NOS1AP: variants seen among roughly 807,000 people sequenced by gnomAD.
NOS1AP encodes the protein carboxyl-terminal PDZ ligand of neuronal nitric oxide synthase protein.
NOS1AP carries 21 observed loss-of-function variants against 56.2 expected under a neutral mutation model. The ratio of observed to expected loss-of-function variants is 0.37; its 90% CI spans 0.26 to 0.54. The LOEUF (loss-of-function observed/expected upper bound fraction) is 0.54. Among genes scored for constraint, NOS1AP ranks in the 20% least tolerant of loss-of-function variants. The pLI, the probability that NOS1AP is intolerant of heterozygous loss-of-function variation, is 0.84. For missense variants in NOS1AP, 522 were observed against 657.8 expected, an observed-to-expected ratio of 0.79 and a Z score of 2.26; for synonymous variants, 270 against 274.6, an observed-to-expected ratio of 0.98 and a Z score of 0.17.
chr1:162,235,449 C>T (rs2101674298), intron 2 of NOS1AP, among the ~76,000 whole-genome samples: 1 of 152,316 alleles, frequency 6.6e-6, no homozygotes, highest in South Asian at 2.1e-4. Flanking sequence ...CTGATCTCTG[C>T]ACCTTGCAGG....
At chr1:162,078,309 T>C (rs1691815294) in intron 1 of NOS1AP, among the ~76,000 whole-genome samples, 1 of 152,218 alleles carries the variant, frequency 6.6e-6, no homozygotes, top group East Asian at 1.9e-4. Context: ...CTCTTCTGAC[T>C]TCATTGTCTT....
intron 2 of NOS1AP, among the ~76,000 whole-genome samples, chr1:162,279,606 C>T (rs777648111): frequency 3.3e-5 from 5 of 152,328 alleles, no homozygotes; most frequent in Middle Eastern, 6.8e-3. Context: ...GTATTTCATA[C>T]CCTTCCCACG....
At chr1:162,092,655 A>G (rs1437662600) in intron 1 of NOS1AP, among the ~76,000 whole-genome samples, 3 of 152,206 alleles carry the variant, frequency 2.0e-5, no homozygotes, top group African/African-American at 7.2e-5. Context: ...TGCTCAATGT[A>G]TATGCAGTGA....
chr1:162,367,683 A>C lies in NOS1AP; in HGVS notation c.*216A>C. ...CCAGAGGTGAATCAGCTCCTCTCCTACTTGTGACTAGAGGGTGGTGGAGGT... is the reference window on the plus strand; with the variant it reads ...CCAGAGGTGAATCAGCTCCTCTCCTCCTTGTGACTAGAGGGTGGTGGAGGT... On this transcript the variant is annotated 3_prime_UTR_variant, in exon 10 of 10. Coordinates refer to ENST00000361897, the MANE Select transcript of NOS1AP (RefSeq NM_014697.3). The surrounding 1 kb of genome is among the most constrained non-coding windows in gnomAD (Gnocchi z 6.5). 1 of 593,572 alleles carries C rather than the reference A, an allele frequency of 1.7e-6. No individual in the cohort carries two copies. The highest frequency in any genetic ancestry group is 2.9e-6 in the Non-Finnish European group (1 of 339,484). 36.8% of individuals were successfully genotyped at this position (593,572 alleles called of 1,614,324 possible).
chr1:162,243,431 G>GA (rs1269508623), intron 2 of NOS1AP, among the ~76,000 whole-genome samples: 2 of 151,634 alleles, frequency 1.3e-5, no homozygotes, highest in Non-Finnish European at 2.9e-5. Context: ...ATGCATGGAA[G>GA]AAAAAAAACA....
intron 8 of NOS1AP, among the ~76,000 whole-genome samples, chr1:162,360,008 T>TC (rs772456094): frequency 4.1e-3 from 574 of 140,960 alleles, no homozygotes; most frequent in East Asian, 0.012. Flanking sequence ...ATTTATGTCG[T>TC]CCCCCCCCCA....
intron 2 of NOS1AP, among the ~76,000 whole-genome samples, chr1:162,236,885 G>T (rs985982476): frequency 6.6e-6 from 1 of 152,180 alleles, no homozygotes; most frequent in Admixed American, 6.5e-5. Flanking sequence ...GGCATCAGAG[G>T]AGCCTCTCCT....
intron 6 of NOS1AP, among the ~76,000 whole-genome samples, chr1:162,348,365 G>T (rs1657371648): frequency 6.6e-6 from 1 of 152,192 alleles, no homozygotes; most frequent in Admixed American, 6.5e-5. Flanking sequence ...TGATGAGAAG[G>T]TGGTGACAGT....
intron 2 of NOS1AP, among the ~76,000 whole-genome samples, chr1:162,281,698 G>T (rs1654932796): frequency 6.6e-6 from 1 of 152,220 alleles, no homozygotes; most frequent in South Asian, 2.1e-4. Flanking sequence ...ACTTGCATGT[G>T]GGGGAGTTCC....
chr1:162,129,633 T>C (rs1648658909), intron 1 of NOS1AP, among the ~76,000 whole-genome samples: 1 of 152,218 alleles, frequency 6.6e-6, no homozygotes, highest in Non-Finnish European at 1.5e-5. Flanking sequence ...GTGAGCTCCT[T>C]GAGTTATTGA....
rs145818969 is a variant in NOS1AP at position 162,261,237 on chromosome 1, G to A, written c.178-26107G>A. Among the ~76,000 whole-genome samples, 41 of 138,612 alleles carry A rather than the reference G, an allele frequency of 3.0e-4. 6 individuals are homozygous for A. In the East Asian group the frequency reaches 9.2e-3, roughly 31 times the overall value. 90.9% of individuals were successfully genotyped at this position (138,612 alleles called of 152,430 possible). ...AGGGAACTCAAGCTTTCCCCTCTAA[G>A]CATCAGTCCTATCTTTCAAAATCAA... is the stretch of plus-strand genomic sequence containing the variant. On this transcript the variant is annotated intron_variant, in intron 2 of 9. Transcript: ENST00000361897.
At chr1:162,355,049 G>A in intron 6 of NOS1AP, 138 bp from the exon 7 acceptor site, 2 of 900,250 alleles carry the variant, frequency 2.2e-6, no homozygotes, top group Non-Finnish European at 3.6e-6. Flanking sequence ...ACGTACTTGA[G>A]TGAAAAGATG....
rs1490977358 is a variant in NOS1AP at position 162,207,071 on chromosome 1, G to C, written c.177+52595G>C. 2.0e-5 allele frequency among the ~76,000 whole-genome samples: 3 copies of C among 152,222 alleles called. No homozygotes were observed. The East Asian group carries it at 5.8e-4, about 29-fold the overall frequency. Reference sequence around the variant, plus strand: ...CTCTGAGAAAAGCAGTCGCCAGTGGGATTTTTATCACATAATTAGAGGGTT... The same window carrying C: ...CTCTGAGAAAAGCAGTCGCCAGTGGCATTTTTATCACATAATTAGAGGGTT... On this transcript the variant is annotated intron_variant, in intron 2 of 9. Transcript: ENST00000361897.
intron 2 of NOS1AP, among the ~76,000 whole-genome samples, chr1:162,215,795 A>G (rs1243935090): frequency 6.6e-6 from 1 of 152,248 alleles, no homozygotes; most frequent in Non-Finnish European, 1.5e-5. Context: ...GAATTCTATA[A>G]TCTTTCAGAT....
At chr1:162,263,050 A>G (rs1654290911) in intron 2 of NOS1AP, among the ~76,000 whole-genome samples, 1 of 152,142 alleles carries the variant, frequency 6.6e-6, no homozygotes, top group Non-Finnish European at 1.5e-5. Context: ...ACTCAAGAAC[A>G]TTTGTCACAA....
At chr1:162,284,865 G>A (rs1655043728) in intron 2 of NOS1AP, among the ~76,000 whole-genome samples, 1 of 152,168 alleles carries the variant, frequency 6.6e-6, no homozygotes, top group African/African-American at 2.4e-5. Flanking sequence ...AACCAACAGG[G>A]AGGTGGACAA....
rs764354269 is a variant in NOS1AP, at chr1:162,221,532, G to GCA, written c.178-65811_178-65810insAC. On this transcript the variant is annotated intron_variant, in intron 2 of 9. Transcript: ENST00000361897. Reference sequence around the variant, plus strand: ...GCAACACACACACGCACACACACGCGCGCACACACACACACACACACACAC... The same window carrying GCA: ...GCAACACACACACGCACACACACGCGCACGCACACACACACACACACACACAC... 2.5e-3 allele frequency among the ~76,000 whole-genome samples: 332 copies of GCA among 132,804 alleles called. 5 individuals are homozygous for GCA. The highest frequency in any genetic ancestry group is 8.9e-3 in the African/African-American group (271 of 30,540). 87.1% of individuals were successfully genotyped at this position (132,804 alleles called of 152,430 possible).
chr1:162,152,693 C>G (rs1043331112), intron 1 of NOS1AP, among the ~76,000 whole-genome samples: 1 of 152,240 alleles, frequency 6.6e-6, no homozygotes, highest in Admixed American at 6.5e-5. Flanking sequence ...TCACTGCTTG[C>G]CAGCTGTGTT....
At chr1:162,366,787 C>T in intron 9 of NOS1AP, 1 of 578,420 alleles carries the variant, frequency 1.7e-6, no homozygotes, top group Admixed American at 3.1e-5. Flanking sequence ...TATTCAGAGC[C>T]TTCAGTGGCT....
Sources: gnomAD v4.1 joint callset for allele counts (sites outside exome capture counted in the v4.1 genomes callset) on GRCh38, gnomAD v4.1.1 for gene constraint, Gnocchi (gnomAD v3.1) non-coding constraint, MANE v1.5 for transcripts, NCBI Gene and HGNC (gene_info 2026-07-23, HGNC 2026-07-21) for gene names.